B3GALT1: variants seen among roughly 807,000 people sequenced by gnomAD.
B3GALT1 encodes the protein UDP-Gal:betaGlcNAc beta 1,3-galactosyltransferase, polypeptide 1.
In B3GALT1, 10 loss-of-function variants were observed where a neutral mutation model predicts 23.2. That is an observed-to-expected ratio of 0.43 (90% CI 0.27 to 0.73). B3GALT1 has a LOEUF of 0.73. Among genes scored for constraint, B3GALT1 ranks in the 30% least tolerant of loss-of-function variants. The probability of loss-of-function intolerance (pLI) is 0.21; values close to 1 mark genes in which losing one functional copy is unlikely to be tolerated. For missense variants in B3GALT1, 299 were observed against 405.4 expected (o/e 0.74, Z 2.25); for synonymous variants, 156 against 141.5 (o/e 1.10, Z -0.73).
At chr2:167,413,817 T>A (rs1173855827) in intron 1 of B3GALT1, among the ~76,000 whole-genome samples, 1 of 152,058 alleles carries the variant, frequency 6.6e-6, no homozygotes, top group African/African-American at 2.4e-5. Context: ...GTTTCTATAC[T>A]ATCATTTTGC....
chr2:167,307,365 A>G (rs1696567055), intron 1 of B3GALT1, among the ~76,000 whole-genome samples: 1 of 152,090 alleles, frequency 6.6e-6, no homozygotes, highest in Non-Finnish European at 1.5e-5. Flanking sequence ...TTATCTTCAA[A>G]GTATTAAACT....
chr2:167,311,033 A>T (rs1696627142), intron 1 of B3GALT1, among the ~76,000 whole-genome samples: 1 of 152,138 alleles, frequency 6.6e-6, no homozygotes. Context: ...TAATTAGGAC[A>T]TTAAAATATT....
At chr2:167,793,414 C>T (rs1036522076) in intron 3 of B3GALT1, among the ~76,000 whole-genome samples, 3 of 152,122 alleles carry the variant, frequency 2.0e-5, no homozygotes, top group South Asian at 2.1e-4. Context: ...GGGCTGGGTT[C>T]GCCCCGTCCT....
intron 3 of B3GALT1, among the ~76,000 whole-genome samples, chr2:167,700,129 TGTC>T (rs1263033684): frequency 3.9e-5 from 6 of 152,308 alleles, no homozygotes; most frequent in Non-Finnish European, 7.4e-5. Flanking sequence ...ACACACTTGT[TGTC>T]CTAGCTACTT....
At chr2:167,527,135 T>C (rs1410670270) in intron 2 of B3GALT1, among the ~76,000 whole-genome samples, 1 of 152,138 alleles carries the variant, frequency 6.6e-6, no homozygotes, top group Non-Finnish European at 1.5e-5. Flanking sequence ...CTTTTTCTTT[T>C]TTCCTATTTC....
At position 167,610,073 on chromosome 2, in the gene B3GALT1, G is replaced by A. The variant is rs144912723; in HGVS notation, c.-409-36836G>A. Among the ~76,000 whole-genome samples the A allele has an allele frequency of 8.5e-5, 13 of 152,234 alleles. No individual in the cohort carries two copies. The East Asian group carries it at 1.5e-3, about 18-fold the overall frequency. On this transcript the variant is annotated intron_variant, in intron 2 of 4. Coordinates refer to ENST00000392690, the MANE Select transcript of B3GALT1 (RefSeq NM_020981.4). The stretch of plus-strand genomic sequence containing the variant: ...AAAAATATTTTTTTGAGAGGAAAAT[G>A]AGGATATAGTTAAAGAGGACAAAAG...
rs201398880 is a variant in B3GALT1 at position 167,839,418 on chromosome 2, T to C, written c.-230+20625T>C. Among the ~76,000 whole-genome samples, 121 of 152,168 alleles carry C rather than the reference T, an allele frequency of 8.0e-4. No individual in the cohort carries two copies. The East Asian group carries it at 0.018, about 22-fold the overall frequency. On this transcript the variant is annotated intron_variant, in intron 4 of 4. Coordinates refer to ENST00000392690, the MANE Select transcript of B3GALT1 (RefSeq NM_020981.4). Reference sequence around the variant, plus strand: ...CAGAGAGCCAAATCATGAGTGAACTTCCATTCACAATTGCTTCAAAGAGAA... The same window carrying C: ...CAGAGAGCCAAATCATGAGTGAACTCCCATTCACAATTGCTTCAAAGAGAA...
intron 3 of B3GALT1, among the ~76,000 whole-genome samples, chr2:167,697,855 C>T (rs1030547692): frequency 1.3e-5 from 2 of 152,138 alleles, no homozygotes; most frequent in Non-Finnish European, 2.9e-5. Flanking sequence ...GTGAGCTAGG[C>T]GGTCATGAGG....
chr2:167,580,055 A>G (rs1684457401), intron 2 of B3GALT1, among the ~76,000 whole-genome samples: 1 of 152,142 alleles, frequency 6.6e-6, no homozygotes. Flanking sequence ...GATATTGGGA[A>G]ACACGGTGTT....
At chr2:167,478,106 T>C (rs1699511448) in intron 1 of B3GALT1, among the ~76,000 whole-genome samples, 1 of 152,228 alleles carries the variant, frequency 6.6e-6, no homozygotes, top group Non-Finnish European at 1.5e-5. Context: ...TTCGTGCCAT[T>C]ATAAAGAATT....
intron 3 of B3GALT1, among the ~76,000 whole-genome samples, chr2:167,713,374 A>T (rs1016851195): frequency 6.6e-6 from 1 of 152,246 alleles, no homozygotes; most frequent in African/African-American, 2.4e-5. Flanking sequence ...AATGAAGTGA[A>T]AATTCTATAA....
At chr2:167,867,938 T>C (rs143565194) in intron 4 of B3GALT1, among the ~76,000 whole-genome samples, 1 of 152,322 alleles carries the variant, frequency 6.6e-6, no homozygotes, top group African/African-American at 2.4e-5. Context: ...ATTGGATCTG[T>C]GGCCCCCAAA....
chr2:167,303,862 C>G (rs1346748182), intron 1 of B3GALT1, among the ~76,000 whole-genome samples: 1 of 152,024 alleles, frequency 6.6e-6, no homozygotes, highest in Non-Finnish European at 1.5e-5. Context: ...CTGGAAAGGC[C>G]AATGCCACTG....
intron 2 of B3GALT1, among the ~76,000 whole-genome samples, chr2:167,509,828 TG>T (rs1315946031): frequency 6.6e-6 from 1 of 152,124 alleles, no homozygotes; most frequent in Non-Finnish European, 1.5e-5. Context: ...GGGAAGCATT[TG>T]GAAGGTTTAG....
At chr2:167,345,824 T>C (rs536960627) in intron 1 of B3GALT1, among the ~76,000 whole-genome samples, 71 of 152,270 alleles carry the variant, frequency 4.7e-4, no homozygotes, top group African/African-American at 1.7e-3. Context: ...CTGGGAGTCT[T>C]ATAAATGGCT....
intron 2 of B3GALT1, among the ~76,000 whole-genome samples, chr2:167,568,130 A>G (rs1247711666): frequency 4.6e-5 from 7 of 152,106 alleles, no homozygotes; most frequent in Non-Finnish European, 2.9e-5. Flanking sequence ...TCATTCACCT[A>G]CTGAAGGACA....
chr2:167,563,144 C>T (rs1030448125), intron 2 of B3GALT1, among the ~76,000 whole-genome samples: 7 of 152,180 alleles, frequency 4.6e-5, no homozygotes, highest in East Asian at 2.0e-4. Flanking sequence ...CATCATGGCC[C>T]GGTCTCAGTG....
rs551888859 is a variant in B3GALT1 at position 167,812,978 on chromosome 2, C to T, written c.-351-5694C>T. Reference sequence around the variant, plus strand: ...ACATGCATACACACACACACACACACGCACCACCACCACCCCCACCCCCCC... The same window carrying T: ...ACATGCATACACACACACACACACATGCACCACCACCACCCCCACCCCCCC... On this transcript the variant is annotated intron_variant, in intron 3 of 4. Coordinates refer to ENST00000392690, the MANE Select transcript of B3GALT1 (RefSeq NM_020981.4). 2.4e-4 allele frequency among the ~76,000 whole-genome samples: 29 copies of T among 121,878 alleles called. No homozygotes were observed. In the East Asian group the frequency reaches 5.2e-3, roughly 22 times the overall value. 80.0% of individuals were successfully genotyped at this position (121,878 alleles called of 152,430 possible).
intron 1 of B3GALT1, among the ~76,000 whole-genome samples, chr2:167,438,346 G>A (rs1698818801): frequency 6.6e-6 from 1 of 152,172 alleles, no homozygotes; most frequent in African/African-American, 2.4e-5. Flanking sequence ...GACATGCTTG[G>A]AAAACCAAAG....
Sources: gnomAD v4.1 joint callset for allele counts (sites outside exome capture counted in the v4.1 genomes callset) on GRCh38, gnomAD v4.1.1 for gene constraint, MANE v1.5 for transcripts, NCBI Gene and HGNC (gene_info 2026-07-23, HGNC 2026-07-21) for gene names.